Variants in CLCN3 observed in about 807,000 individuals in gnomAD.
CLCN3 encodes H(+)/Cl(-) exchange transporter 3.
In CLCN3, 16 loss-of-function variants were observed where a neutral mutation model predicts 83.4. The ratio of observed to expected loss-of-function variants is 0.19; its 90% confidence interval spans 0.13 to 0.29. The LOEUF is 0.29. CLCN3 is among the 10% of genes least tolerant of loss of function. The pLI, the probability that CLCN3 is intolerant of heterozygous loss-of-function variation, is 1.00. For synonymous variants in CLCN3, 322 were observed against 346.2 expected, an observed-to-expected ratio of 0.93 and a Z score of 0.78; for missense variants, 544 against 1,006.0, an observed-to-expected ratio of 0.54 and a Z score of 6.21.
intron 2 of CLCN3, among the ~76,000 whole-genome samples, chr4:169,662,129 TATGTG>T (rs1731078149): frequency 6.6e-6 from 1 of 152,158 alleles, no homozygotes; most frequent in South Asian, 2.1e-4. Flanking sequence ...AGTCAAAACT[TATGTG>T]AGAGTAGGCA....
Position 169,710,559 on chromosome 4 carries a change from C to T in CLCN3, c.2150-2520C>T, listed in dbSNP as rs76162781. Among the ~76,000 whole-genome samples the T allele has an allele frequency of 4.5e-3, 685 of 152,316 alleles. 5 individuals are homozygous for T. Among genetic ancestry groups the T allele is most frequent in the African/African-American group, 0.015 (644 of 41,566 alleles). On this transcript the variant is annotated intron_variant, in intron 11 of 12. Transcript: ENST00000513761. ...GGGATTACAAGTGTGAGCCACCACA[C>T]CTGGCGAAAAGTGTTATTTTTTTAA...
chr4:169,708,999 GAT>G (rs1733095378), intron 11 of CLCN3, among the ~76,000 whole-genome samples: 3 of 147,202 alleles, frequency 2.0e-5, no homozygotes, highest in African/African-American at 7.4e-5. Flanking sequence ...ATATGGGAGA[GAT>G]ATATATTTCT....
At chr4:169,663,587 G>A in intron 2 of CLCN3, 1 of 421,082 alleles carries the variant, frequency 2.4e-6, no homozygotes, top group Non-Finnish European at 4.7e-6. Context: ...CAACCCTCCT[G>A]CCTTGGCCTC....
At chr4:169,693,987 G>A (rs1224777593) in intron 7 of CLCN3, among the ~76,000 whole-genome samples, 5 of 152,052 alleles carry the variant, frequency 3.3e-5, no homozygotes, top group African/African-American at 9.7e-5. Context: ...TCTTAGATAC[G>A]TATGAAATGG....
At chr4:169,639,839 G>C (rs1304843956) in intron 2 of CLCN3, among the ~76,000 whole-genome samples, 1 of 152,182 alleles carries the variant, frequency 6.6e-6, no homozygotes, top group African/African-American at 2.4e-5. Context: ...TTACCAGAAG[G>C]TACTGATAGT....
chr4:169,679,177 G>T (rs1731814172), intron 2 of CLCN3, among the ~76,000 whole-genome samples: 1 of 151,438 alleles, frequency 6.6e-6, no homozygotes, highest in South Asian at 2.1e-4. Flanking sequence ...TCCCAGACAG[G>T]GTGGCGGCTG....
intron 2 of CLCN3, among the ~76,000 whole-genome samples, chr4:169,663,315 TTG>T (rs1477244151): frequency 1.1e-4 from 2 of 17,504 alleles, no homozygotes; most frequent in African/African-American, 1.2e-4. Context: ...GTGGGTTTTT[TTG>T]TTGTTGTTGT....
chr4:169,663,867 C>T (rs1402403551), intron 2 of CLCN3, among the ~76,000 whole-genome samples: 1 of 152,086 alleles, frequency 6.6e-6, no homozygotes, highest in Non-Finnish European at 1.5e-5. Flanking sequence ...CTGGTAGAAG[C>T]ATAAGAAGTT....
chr4:169,703,770 C>T (rs950806588), intron 9 of CLCN3, among the ~76,000 whole-genome samples: 4 of 151,344 alleles, frequency 2.6e-5, no homozygotes, highest in Non-Finnish European at 5.9e-5. Flanking sequence ...AGGAAATAAC[C>T]CTTGAATTTT....
intron 9 of CLCN3, among the ~76,000 whole-genome samples, chr4:169,701,530 G>T (rs554152825): frequency 2.0e-5 from 3 of 152,116 alleles, no homozygotes; most frequent in Middle Eastern, 3.4e-3. Context: ...AATTTATTTT[G>T]CCCGGATCAA....
At position 169,636,024 on chromosome 4, in the gene CLCN3, A is replaced by C; in HGVS notation, c.96A>C (p.Ala32=). ...ASSDEELLDG[A]GVIMDFQTSE... ...GTGATGAGGAACTTTTAGATGGAGC[A>C]GGTGTTATTATGGACTTTCAAACAT... The change falls in exon 2 of 13, where the codon GCA becomes GCC. Residue 32 remains alanine, a synonymous_variant. Transcript: ENST00000513761. 1 of 1,613,554 alleles carries C rather than the reference A, an allele frequency of 6.2e-7. No homozygotes were observed. Among genetic ancestry groups the C allele is most frequent in the Non-Finnish European group, 8.5e-7 (1 of 1,179,640 alleles).
chr4:169,673,545 T>G, intron 2 of CLCN3, among the ~76,000 whole-genome samples: 1 of 152,184 alleles, frequency 6.6e-6, no homozygotes. Context: ...GGATACATGT[T>G]AAGTGGTATA....
chr4:169,688,290 T>C (rs183627483), intron 4 of CLCN3, among the ~76,000 whole-genome samples: 163 of 152,338 alleles, frequency 1.1e-3, no homozygotes, highest in African/African-American at 3.8e-3. Flanking sequence ...ACCTATCCCC[T>C]TCATCACCCT....
At chr4:169,650,970 A>G (rs1581207230) in intron 2 of CLCN3, among the ~76,000 whole-genome samples, 1 of 152,280 alleles carries the variant, frequency 6.6e-6, no homozygotes, top group East Asian at 1.9e-4. Flanking sequence ...GATGTTACTA[A>G]TGAACTAGGA....
Position 169,712,158 on chromosome 4 carries a change from C to T in CLCN3, c.2150-921C>T, listed in dbSNP as rs542175817. Among the ~76,000 whole-genome samples the T allele has an allele frequency of 7.2e-5, 11 of 151,980 alleles. 1 individual carries two copies. Among genetic ancestry groups the T allele is most frequent in the East Asian group, 3.9e-4 (2 of 5,174 alleles). ...GATTACAAGCCTGAGCCACCATGGC[C>T]GGCCAAAATATTTTCACTATAACAA... On this transcript the variant is annotated intron_variant, in intron 11 of 12. Coordinates refer to ENST00000513761, the MANE Select transcript of CLCN3 (RefSeq NM_001829.4).
At chr4:169,638,186 A>G (rs1470085703) in intron 2 of CLCN3, among the ~76,000 whole-genome samples, 3 of 152,158 alleles carry the variant, frequency 2.0e-5, no homozygotes, top group Admixed American at 2.0e-4. Flanking sequence ...TCAGTAGGCT[A>G]CCCTAGAGAT....
chr4:169,622,563 G>A (rs1196622937), intron 1 of CLCN3, among the ~76,000 whole-genome samples: 1 of 152,148 alleles, frequency 6.6e-6, no homozygotes, highest in East Asian at 1.9e-4. Flanking sequence ...TATAATAAGT[G>A]TTAATATTTG....
At chr4:169,627,654 G>A (rs954124214) in intron 1 of CLCN3, among the ~76,000 whole-genome samples, 1 of 152,232 alleles carries the variant, frequency 6.6e-6, no homozygotes, top group South Asian at 2.1e-4. Context: ...GATAGGAAAA[G>A]TAGGAGGACA....
At position 169,637,595 on chromosome 4, in the gene CLCN3, C is replaced by CAA. The variant is rs1560829841; in HGVS notation, c.160+1507_160+1508insAA. Reference sequence around the variant, plus strand: ...AAAAACCAAACAAACACCACCACCACCAACAACAACAACAAAAACTTTTTC... The same window carrying CAA: ...AAAAACCAAACAAACACCACCACCACAACAACAACAACAACAAAAACTTTTTC... On this transcript the variant is annotated intron_variant, in intron 2 of 12. Transcript: ENST00000513761. Among the ~76,000 whole-genome samples the CAA allele has an allele frequency of 1.7e-3, 263 of 151,396 alleles. 1 individual carries two copies. The highest frequency in any genetic ancestry group is 5.8e-3 in the African/African-American group (241 of 41,320).
Sources: allele counts gnomAD v4.1 joint callset (sites outside exome capture counted in the v4.1 genomes callset), GRCh38; gene constraint gnomAD v4.1.1; transcripts MANE v1.5; gene names NCBI Gene and HGNC (gene_info 2026-07-23, HGNC 2026-07-21).